The following THRAP3 variants were observed in gnomAD, a reference collection of about 807,000 sequenced individuals.
The protein encoded by THRAP3 is thyroid hormone receptor associated protein 3.
A neutral mutation model predicts 101.0 loss-of-function variants in THRAP3; 16 were observed. The observed-to-expected ratio is 0.16, with a 90% confidence interval of 0.11 to 0.24. THRAP3 has a LOEUF of 0.24. THRAP3 is among the 10% of genes least tolerant of loss of function. The pLI is 1.00. For synonymous variants in THRAP3, 407 were observed against 422.6 expected, an observed-to-expected ratio of 0.96 and a Z score of 0.45; for missense variants, 989 against 1,202.7, an observed-to-expected ratio of 0.82 and a Z score of 2.63.
At position 36,232,879 on chromosome 1, in the gene THRAP3, C is replaced by CTT. The variant is rs11448026; in HGVS notation, c.-135+8388_-135+8389dup. ...TTTGTCAAAACTCATCGAACTGTAT[C>CTT]TTTTTTTTTTTTTTTGAGACAGTCT... On this transcript the variant is annotated intron_variant, in intron 1 of 11. Coordinates refer to ENST00000354618, the MANE Select transcript of THRAP3 (RefSeq NM_005119.4). 7.6e-3 allele frequency among the ~76,000 whole-genome samples: 1,054 copies of CTT among 139,060 alleles called. 13 individuals are homozygous for CTT. Among genetic ancestry groups the CTT allele is most frequent in the African/African-American group, 0.022 (829 of 37,552 alleles). 91.2% of individuals were successfully genotyped at this position (139,060 alleles called of 152,430 possible).
intron 2 of THRAP3, among the ~76,000 whole-genome samples, chr1:36,274,780 G>A (rs185478608): frequency 2.0e-5 from 3 of 151,080 alleles, no homozygotes; most frequent in South Asian, 4.2e-4. Context: ...TTATAGGCAC[G>A]CGCCATCACG....
intron 2 of THRAP3, among the ~76,000 whole-genome samples, chr1:36,280,066 A>G (rs1645712254): frequency 1.3e-5 from 2 of 152,262 alleles, no homozygotes; most frequent in South Asian, 4.1e-4. Flanking sequence ...AGGAGGATCC[A>G]TTGATCTTAG....
chr1:36,245,949 C>T (rs1570255352), intron 1 of THRAP3, among the ~76,000 whole-genome samples: 1 of 152,288 alleles, frequency 6.6e-6, no homozygotes. Context: ...CATATCTGTG[C>T]TTACAGTCGT....
intron 11 of THRAP3, among the ~76,000 whole-genome samples, chr1:36,303,386 A>C (rs1646054673): frequency 6.6e-6 from 1 of 152,162 alleles, no homozygotes; most frequent in Admixed American, 6.5e-5. Flanking sequence ...GGAGTTGCTT[A>C]AAGTTCCTAA....
intron 1 of THRAP3, among the ~76,000 whole-genome samples, chr1:36,256,573 C>T (rs1645378700): frequency 6.6e-6 from 1 of 152,056 alleles, no homozygotes; most frequent in African/African-American, 2.4e-5. Context: ...CTATTTGTGA[C>T]CCATTAAAAT....
At chr1:36,258,498 C>T (rs931381238) in intron 1 of THRAP3, among the ~76,000 whole-genome samples, 6 of 151,758 alleles carry the variant, frequency 4.0e-5, no homozygotes, top group East Asian at 1.9e-4. Flanking sequence ...TTTCTTGAGG[C>T]GAAGTCTCAC....
At chr1:36,277,863 G>A (rs1009782580) in intron 2 of THRAP3, among the ~76,000 whole-genome samples, 5 of 151,780 alleles carry the variant, frequency 3.3e-5, no homozygotes, top group African/African-American at 9.7e-5. Context: ...AGGTTCAGTC[G>A]ATTCTCCTGC....
At chr1:36,249,671 C>T (rs1257291882) in intron 1 of THRAP3, among the ~76,000 whole-genome samples, 4 of 117,430 alleles carry the variant, frequency 3.4e-5, no homozygotes, top group South Asian at 3.1e-4. Context: ...TTCGAATAAG[C>T]GAAGCAGGTG....
At chr1:36,292,932 C>T (rs1645895478) in intron 7 of THRAP3, among the ~76,000 whole-genome samples, 1 of 151,650 alleles carries the variant, frequency 6.6e-6, no homozygotes, top group Non-Finnish European at 1.5e-5. Flanking sequence ...GCTCTCTTGA[C>T]ATAGATTAAC....
At chr1:36,230,559 G>A (rs1570224181) in intron 1 of THRAP3, among the ~76,000 whole-genome samples, 4 of 152,072 alleles carry the variant, frequency 2.6e-5, no homozygotes, top group Middle Eastern at 3.4e-3. Flanking sequence ...CACCGCGCCC[G>A]GCCTAGAAAA....
At chr1:36,289,003 T>G (rs954892979) in intron 4 of THRAP3, 57 bp from the exon 5 acceptor site, 69 of 1,485,288 alleles carry the variant, frequency 4.6e-5, no homozygotes, top group Admixed American at 1.3e-4. Flanking sequence ...AAGGCACTAT[T>G]TTAGAGCATG....
At chr1:36,303,179 G>C in intron 11 of THRAP3, among the ~76,000 whole-genome samples, 1 of 149,698 alleles carries the variant, frequency 6.7e-6, no homozygotes, top group East Asian at 2.0e-4. Flanking sequence ...GCCCAGGCTG[G>C]TCTCGAAATT....
chr1:36,250,117 G>A (rs1392942423), intron 1 of THRAP3, among the ~76,000 whole-genome samples: 1 of 151,932 alleles, frequency 6.6e-6, no homozygotes, highest in African/African-American at 2.4e-5. Context: ...ACATAAGGTA[G>A]ACTCTGGATA....
intron 4 of THRAP3, chr1:36,288,638 G>A (rs1400840636): frequency 2.0e-6 from 2 of 985,292 alleles, no homozygotes; most frequent in Admixed American, 6.1e-5. Flanking sequence ...TTGTATAAAA[G>A]CAAAACAGTC....
chr1:36,242,170 CATTT>C (rs1217775110), intron 1 of THRAP3: 4 of 160,668 alleles, frequency 2.5e-5, no homozygotes, highest in Admixed American at 6.3e-5. Context: ...TTTGTTTGTT[CATTT>C]ATTTGTTTTT....
At chr1:36,294,922 T>A (rs570223460) in intron 8 of THRAP3, among the ~76,000 whole-genome samples, 1 of 152,048 alleles carries the variant, frequency 6.6e-6, no homozygotes, top group Non-Finnish European at 1.5e-5. Flanking sequence ...GGAAACAAAT[T>A]AAGTGATAAA....
chr1:36,237,037 G>A (rs562514352), intron 1 of THRAP3, among the ~76,000 whole-genome samples: 1 of 152,206 alleles, frequency 6.6e-6, no homozygotes, highest in South Asian at 2.1e-4. Context: ...TTAGCCAGGC[G>A]TGGTGGCGCA....
chr1:36,302,152 AGG>A (rs1646038024), intron 11 of THRAP3, among the ~76,000 whole-genome samples: 1 of 152,206 alleles, frequency 6.6e-6, no homozygotes, highest in African/African-American at 2.4e-5. Context: ...TCTCTCATCT[AGG>A]CTGTTGATCA....
In THRAP3 at chr1:36,296,721, A is replaced by G. The variant is rs762464126; in HGVS notation, c.2254A>G (p.Arg752Gly). The G allele has an allele frequency of 2.0e-5, 32 of 1,605,508 alleles. No individual in the cohort carries two copies. Among genetic ancestry groups the G allele is most frequent in the Non-Finnish European group, 2.5e-5 (30 of 1,178,042 alleles). Residue 752 changes from arginine to glycine, a missense_variant, in exon 9 of 12, where the codon AGG becomes GGG. Physicochemically the swap from Arg to Gly is moderately radical, Grantham distance 125 (BLOSUM62 -2). Coordinates refer to ENST00000354618, the MANE Select transcript of THRAP3 (RefSeq NM_005119.4). ...CCGAGACTCCAGTCACTCAAGGGAAAGGTCAGCTGAAAAAACAGAGAAAAC... is the reference window on the plus strand; with the variant it reads ...CCGAGACTCCAGTCACTCAAGGGAAGGGTCAGCTGAAAAAACAGAGAAAAC... ...DSRDSSHSRE[R>G]SAEKTEKTHK... is the part of the protein sequence containing the mutation.
Sources: gnomAD v4.1 joint callset for allele counts (sites outside exome capture counted in the v4.1 genomes callset) on GRCh38, gnomAD v4.1.1 for gene constraint, MANE v1.5 for transcripts, NCBI Gene and HGNC (gene_info 2026-07-23, HGNC 2026-07-21) for gene names.